COL6A6: variants seen among roughly 807,000 people sequenced by gnomAD.
COL6A6 encodes the protein collagen type VI alpha 6 chain, also known as collagen alpha-6(VI) chain.
In COL6A6, 183 loss-of-function variants were observed where a neutral mutation model predicts 208.6. That is an observed-to-expected ratio of 0.88 (90% CI 0.78 to 0.99). The LOEUF is 0.99. COL6A6 is among the 50% of genes least tolerant of loss of function. The pLI is 0.00. For missense variants in COL6A6, 2,816 were observed against 2,815.2 expected (o/e 1.00, Z -0.01); for synonymous variants, 973 against 1,011.8 (o/e 0.96, Z 0.73).
chr3:130,531,061 G>GTCTC (rs10662894), intron 1 of COL6A6, among the ~76,000 whole-genome samples: 134 of 136,654 alleles, frequency 9.8e-4, no homozygotes, highest in East Asian at 3.4e-3. Flanking sequence ...CACACACACA[G>GTCTC]TCTCTCTCTC....
rs1039974118 is a variant in COL6A6 at position 130,675,369 on chromosome 3, TAGA to T, written c.6766_6768del (p.Glu2256del). The T allele has an allele frequency of 6.3e-7, 1 of 1,592,336 alleles. No homozygotes were observed. Among genetic ancestry groups the T allele is most frequent in the African/African-American group, 1.3e-5 (1 of 74,278 alleles). On this transcript the variant is annotated inframe_deletion, in exon 37 of 37. Transcript: ENST00000358511. ...CATACCTTTAAGAATGGAAGGATGATAGAAAGTGCTCCCAAACAACATGATTAA... is the reference window on the plus strand; with the variant it reads ...CATACCTTTAAGAATGGAAGGATGATAAGTGCTCCCAAACAACATGATTAA...
intron 1 of COL6A6, among the ~76,000 whole-genome samples, chr3:130,523,072 G>A (rs916239837): frequency 1.3e-5 from 2 of 151,864 alleles, no homozygotes; most frequent in African/African-American, 4.8e-5. Context: ...CCTTAACTGT[G>A]TCTTCTGCAT....
At chr3:130,664,337 T>TCAC (rs2066018030) in intron 35 of COL6A6, among the ~76,000 whole-genome samples, 1 of 152,206 alleles carries the variant, frequency 6.6e-6, no homozygotes, top group Non-Finnish European at 1.5e-5. Flanking sequence ...CAGTGTTGGG[T>TCAC]CACGGTCCAG....
chr3:130,577,552 A>G (rs184633655), intron 8 of COL6A6, among the ~76,000 whole-genome samples: 2 of 152,358 alleles, frequency 1.3e-5, no homozygotes, highest in Admixed American at 6.5e-5. Flanking sequence ...AACATAACCT[A>G]GTAGTAGAAC....
chr3:130,624,596 A>G (rs2064831123), intron 24 of COL6A6, among the ~76,000 whole-genome samples: 1 of 152,198 alleles, frequency 6.6e-6, no homozygotes, highest in Non-Finnish European at 1.5e-5. Flanking sequence ...TGTCACTGGT[A>G]AAAATCAAGT....
At chr3:130,651,961 ACT>A (rs1296862923) in intron 33 of COL6A6, among the ~76,000 whole-genome samples, 1 of 152,138 alleles carries the variant, frequency 6.6e-6, no homozygotes, top group Non-Finnish European at 1.5e-5. Context: ...TCTTCTAGAA[ACT>A]CTTAACTCCT....
chr3:130,650,394 G>A (rs988900352), intron 33 of COL6A6, among the ~76,000 whole-genome samples: 2 of 152,070 alleles, frequency 1.3e-5, no homozygotes, highest in African/African-American at 2.4e-5. Context: ...AGGCCGAGGC[G>A]GGTGGATCAC....
At chr3:130,546,945 A>T (rs1013521659) in intron 1 of COL6A6, among the ~76,000 whole-genome samples, 1 of 152,158 alleles carries the variant, frequency 6.6e-6, no homozygotes, top group African/African-American at 2.4e-5. Flanking sequence ...ACAATCCTCC[A>T]GCTAGACATA....
intron 10 of COL6A6, among the ~76,000 whole-genome samples, chr3:130,586,281 T>C (rs1449397913): frequency 1.3e-5 from 2 of 152,212 alleles, no homozygotes; most frequent in African/African-American, 4.8e-5. Flanking sequence ...TGTTACAATT[T>C]TCCCTGTCTC....
intron 18 of COL6A6, among the ~76,000 whole-genome samples, chr3:130,597,998 G>A (rs1047877513): frequency 6.6e-6 from 1 of 152,136 alleles, no homozygotes; most frequent in Non-Finnish European, 1.5e-5. Context: ...ACTTTGCCTA[G>A]CCTCCAAGAA....
At position 130,568,651 on chromosome 3, in the gene COL6A6, T is replaced by C. The variant is rs2063090723; in HGVS notation, c.2401+47T>C. ...AGCAGGACTATCCGAACAACAGATG[T>C]CTTTTTTAGCCTCTATTTCTTGAAT... On this transcript the variant is annotated intron_variant, in intron 6 of 36. Coordinates refer to ENST00000358511, the MANE Select transcript of COL6A6 (RefSeq NM_001102608.3). 2.8e-6 allele frequency: 4 copies of C among 1,449,810 alleles called. No homozygotes were observed. The African/African-American group carries it at 5.7e-5, about 21-fold the overall frequency. 89.8% of individuals were successfully genotyped at this position (1,449,810 alleles called of 1,614,324 possible).
chr3:130,528,225 G>T (rs999884757), intron 1 of COL6A6, among the ~76,000 whole-genome samples: 6 of 152,196 alleles, frequency 3.9e-5, no homozygotes, highest in African/African-American at 1.2e-4. Flanking sequence ...CAGGAACAAG[G>T]AAAGAGGAAC....
At chr3:130,665,148 T>G (rs1576425444) in intron 36 of COL6A6, 52 bp downstream of exon 36, 1 of 1,214,504 alleles carries the variant, frequency 8.2e-7, no homozygotes, top group Middle Eastern at 1.9e-4. Context: ...CTGCCTTTCT[T>G]CTATTTTCCT....
chr3:130,563,523 C>T lies in COL6A6; in HGVS notation c.520C>T (p.Leu174=). The change falls in exon 3 of 37, where the codon CTG becomes TTG. Residue 174 remains leucine (L), a synonymous_variant. Transcript: ENST00000358511. ...VGVQKASEEN[L]KAMATSQFHF... is the part of the protein sequence containing the mutation. Reference sequence around the variant, plus strand: ...GGTGCAGAAAGCTTCTGAGGAAAACCTGAAGGCCATGGCCACGTCTCAGTT... The same window carrying T: ...GGTGCAGAAAGCTTCTGAGGAAAACTTGAAGGCCATGGCCACGTCTCAGTT... 3 of 1,613,984 alleles carry T rather than the reference C, an allele frequency of 1.9e-6. No individual in the cohort carries two copies. Among genetic ancestry groups the T allele is most frequent in the Non-Finnish European group, 2.5e-6 (3 of 1,179,886 alleles).
chr3:130,676,941 CTG>C lies in COL6A6; in HGVS notation c.*1545_*1546del, dbSNP rs2066374067. On this transcript the variant is annotated 3_prime_UTR_variant, in exon 37 of 37. Transcript: ENST00000358511. The stretch of plus-strand genomic sequence containing the variant: ...ATAAAAGGGATTTTTCTAGTTAACT[CTG>C]AGTTAAGCACGAACTCCTTTCTTTT... The C allele has an allele frequency of 6.6e-6, 1 of 152,196 alleles. No individual in the cohort carries two copies. Among genetic ancestry groups the C allele is most frequent in the Non-Finnish European group, 1.5e-5 (1 of 68,028 alleles). The allele number at this position is 152,196 out of a possible 1,614,324, so 9.4% of individuals were successfully genotyped here. A position where few individuals can be genotyped will look rare whatever the true frequency, so the allele number is the denominator to read the frequency against.
rs529216971 is a variant in COL6A6 at position 130,612,909 on chromosome 3, A to T, written c.4815+2198A>T. ...TGTAAGTTTGCTTAAGTTCCTTAAG[A>T]TTCTAGATATCAGACATTTGTTGGA... On this transcript the variant is annotated intron_variant, in intron 23 of 36. Coordinates refer to ENST00000358511, the MANE Select transcript of COL6A6 (RefSeq NM_001102608.3). 4.6e-5 allele frequency among the ~76,000 whole-genome samples: 7 copies of T among 152,342 alleles called. No individual in the cohort carries two copies. In the South Asian group the frequency reaches 1.2e-3, roughly 27 times the overall value.
At chr3:130,561,396 G>C (rs1224862962) in intron 2 of COL6A6, among the ~76,000 whole-genome samples, 6 of 152,162 alleles carry the variant, frequency 3.9e-5, no homozygotes, top group Non-Finnish European at 8.8e-5. Context: ...AAGAATCTCA[G>C]AGTGGTTAGA....
chr3:130,613,643 G>A (rs756124832), intron 23 of COL6A6, among the ~76,000 whole-genome samples: 1 of 152,186 alleles, frequency 6.6e-6, no homozygotes, highest in Non-Finnish European at 1.5e-5. Context: ...TCCTGTCCAT[G>A]AGCATGGAAT....
intron 8 of COL6A6, among the ~76,000 whole-genome samples, chr3:130,576,931 AT>A (rs1458852183): frequency 3.3e-5 from 5 of 152,236 alleles, no homozygotes; most frequent in African/African-American, 7.2e-5. Flanking sequence ...TCTTATTAAA[AT>A]ATGCATAACT....
Sources: gnomAD v4.1 joint callset for allele counts (sites outside exome capture counted in the v4.1 genomes callset) on GRCh38, gnomAD v4.1.1 for gene constraint, MANE v1.5 for transcripts, NCBI Gene and HGNC (gene_info 2026-07-23, HGNC 2026-07-21) for gene names.